The following HAUS4 variants were observed in gnomAD, a reference collection of about 807,000 sequenced individuals.
The protein encoded by HAUS4 is HAUS augmin-like complex subunit 4.
A neutral mutation model predicts 50.6 loss-of-function variants in HAUS4; 34 were observed. The ratio of observed to expected loss-of-function variants is 0.67; its 90% CI spans 0.51 to 0.90. The LOEUF (loss-of-function observed/expected upper bound fraction) is 0.90, where lower values mean the gene tolerates loss of function less well. HAUS4 is among the 40% of genes least tolerant of loss of function. The probability of loss-of-function intolerance (pLI) is 0.00; values close to 1 mark genes in which losing one functional copy is unlikely to be tolerated. For synonymous variants in HAUS4, 149 were observed against 161.4 expected, an observed-to-expected ratio of 0.92 and a Z score of 0.58; for missense variants, 370 against 428.7, an observed-to-expected ratio of 0.86 and a Z score of 1.21.
In HAUS4 at chr14:22,952,309, C is replaced by G. The variant is rs148307495; in HGVS notation, c.330+19G>C. On this transcript the variant is annotated intron_variant, in intron 4 of 9. Transcript: ENST00000541587. ...CTGGGATTACAGGTGTTAGCCACCA[C>G]GCCCAGCCTTTGCCTCACCTTTTTG... 8.4e-3 allele frequency: 13,537 copies of G among 1,608,744 alleles called. 123 individuals are homozygous for G. The highest frequency in any genetic ancestry group is 0.034 in the South Asian group (3,056 of 90,828).
At chr14:22,947,531 T>C in intron 8 of HAUS4, 70 bp downstream of exon 8, 1 of 1,531,650 alleles carries the variant, frequency 6.5e-7, no homozygotes, top group East Asian at 2.3e-5. Flanking sequence ...AGGAAAGAGA[T>C]TAGGGTAAGG....
Position 22,951,603 on chromosome 14 carries a change from C to T in HAUS4, c.417G>A (p.Leu139=). 4.3e-6 allele frequency: 7 copies of T among 1,614,032 alleles called. No homozygotes were observed. The highest frequency in any genetic ancestry group is 5.9e-6 in the Non-Finnish European group (7 of 1,179,940). The change falls in exon 5 of 10, where the codon CTG becomes CTA. Residue 139 remains leucine, a synonymous_variant. Transcript: ENST00000541587. ...GAAGGTCCGCTTTCTCCAGCCCCAG[C>T]AGTGGAGGTATCTCCCTCTCCTGGC... The part of the protein sequence containing the change: ...GPSQEREIPP[L]LGLEKADLLE...
At chr14:22,951,231 C>T (rs2044746843) in intron 5 of HAUS4, among the ~76,000 whole-genome samples, 1 of 151,780 alleles carries the variant, frequency 6.6e-6, no homozygotes, top group Non-Finnish European at 1.5e-5. Context: ...TCTTGAACTC[C>T]TGAACTCAAG....
intron 6 of HAUS4, among the ~76,000 whole-genome samples, 175 bp downstream of exon 6, chr14:22,950,139 A>C (rs571644812): frequency 4.2e-4 from 63 of 151,802 alleles, no homozygotes; most frequent in East Asian, 7.7e-4. Flanking sequence ...AAAAAAAAAA[A>C]AAAACAAAAA....
chr14:22,950,341 G>C lies in HAUS4; in HGVS notation c.535C>G (p.Leu179Val). ...GAATTGGGATCATAGTAGCAGAGCA[G>C]AGTGAAACATTTCTTTTTGAGCTGC... is the stretch of plus-strand genomic sequence containing the variant. ...EEQLKKKCFT[L>V]LCYYDPNSDA... The change falls in exon 6 of 10, where the codon CTG becomes GTG. Residue 179 changes from leucine to valine, a missense_variant. Physicochemically the swap from Leu to Val is conservative, Grantham distance 32. Coordinates refer to ENST00000541587, the MANE Select transcript of HAUS4 (RefSeq NM_001166269.2). 1.9e-6 allele frequency: 3 copies of C among 1,610,536 alleles called. No homozygotes were observed. The highest frequency in any genetic ancestry group is 2.5e-6 in the Non-Finnish European group (3 of 1,176,760).
At position 22,947,853 on chromosome 14, in the gene HAUS4, C is replaced by T. The variant is rs2044673217; in HGVS notation, c.708+15G>A. On this transcript the variant is annotated intron_variant, in intron 7 of 9. Coordinates refer to ENST00000541587, the MANE Select transcript of HAUS4 (RefSeq NM_001166269.2). ...TCAGGATAAAGGAAAGGGGCTGTCC[C>T]ATGCCCTGATAAACCTGGGAGTAAG... 1 of 1,611,856 alleles carries T rather than the reference C, an allele frequency of 6.2e-7. No homozygotes were observed. The highest frequency in any genetic ancestry group is 8.5e-7 in the Non-Finnish European group (1 of 1,178,930).
At chr14:22,955,492 C>A (rs1033774105) in intron 1 of HAUS4, 4 of 231,024 alleles carry the variant, frequency 1.7e-5, no homozygotes, top group Non-Finnish European at 1.7e-5. Context: ...GGATTCTCCA[C>A]CACCACCACC....
intron 5 of HAUS4, among the ~76,000 whole-genome samples, chr14:22,950,858 T>C (rs2044739594): frequency 6.6e-6 from 1 of 152,218 alleles, no homozygotes; most frequent in Non-Finnish European, 1.5e-5. Flanking sequence ...TATAATAGAA[T>C]CCTAGCAGAG....
At chr14:22,956,011 T>C (rs184751095) in intron 1 of HAUS4, among the ~76,000 whole-genome samples, 6 of 152,276 alleles carry the variant, frequency 3.9e-5, no homozygotes, top group African/African-American at 1.2e-4. Flanking sequence ...CTCTGCAAGG[T>C]ATCAAACTCC....
rs1462853486 is a variant in HAUS4 at position 22,952,579 on chromosome 14, T to C, written c.160A>G (p.Ser54Gly). The C allele has an allele frequency of 6.2e-7, 1 of 1,613,924 alleles. No homozygotes were observed. The highest frequency in any genetic ancestry group is 8.5e-7 in the Non-Finnish European group (1 of 1,179,956). ...TTTGCTAGGGTGAGGCTTAAGCCACTCTCATCCACATGCTGTGAGAGATTC... is the reference window on the plus strand; with the variant it reads ...TTTGCTAGGGTGAGGCTTAAGCCACCCTCATCCACATGCTGTGAGAGATTC... ...LLNLSQHVDESGLSLTLAKEQ... is the reference protein window; with the variant it reads ...LLNLSQHVDEGGLSLTLAKEQ... Residue 54 changes from serine (S) to glycine (G), a missense_variant, in exon 3 of 10, where the codon AGT becomes GGT. Coordinates refer to ENST00000541587, the MANE Select transcript of HAUS4 (RefSeq NM_001166269.2).
chr14:22,947,385 A>T (rs577011565), intron 8 of HAUS4, 146 bp from the exon 9 acceptor site: 1 of 736,784 alleles, frequency 1.4e-6, no homozygotes, highest in East Asian at 2.7e-5. Flanking sequence ...CGAGCAATTG[A>T]TCTCACAGTA....
At chr14:22,953,296 C>T (rs760303924) in intron 2 of HAUS4, among the ~76,000 whole-genome samples, 12 of 151,966 alleles carry the variant, frequency 7.9e-5, no homozygotes, top group Non-Finnish European at 1.5e-4. Flanking sequence ...AGGCAAACCA[C>T]GATGACTGGC....
At position 22,950,342 on chromosome 14, in the gene HAUS4, A is replaced by C. The variant is rs527485407; in HGVS notation, c.534T>G (p.Thr178=). The C allele has an allele frequency of 1.9e-6, 3 of 1,611,000 alleles. No homozygotes were observed. Among genetic ancestry groups the C allele is most frequent in the Non-Finnish European group, 2.5e-6 (3 of 1,177,182 alleles). The change falls in exon 6 of 10, where the codon ACT becomes ACG. Residue 178 remains threonine, a synonymous_variant. Transcript: ENST00000541587. ...AATTGGGATCATAGTAGCAGAGCAG[A>C]GTGAAACATTTCTTTTTGAGCTGCT... ...VEEQLKKKCF[T]LLCYYDPNSD...
intron 5 of HAUS4, 99 bp from the exon 6 acceptor site, chr14:22,950,509 G>GA (rs1249806618): frequency 1.5e-6 from 1 of 666,518 alleles, no homozygotes; most frequent in Non-Finnish European, 2.7e-6. Flanking sequence ...AATAGCCAAA[G>GA]AAAATGCATC....
rs997894438 is a variant in HAUS4, at chr14:22,952,311, C to A, written c.330+17G>T. The A allele has an allele frequency of 8.7e-6, 14 of 1,611,120 alleles. No homozygotes were observed. The highest frequency in any genetic ancestry group is 1.2e-5 in the Non-Finnish European group (14 of 1,178,020). On this transcript the variant is annotated intron_variant, in intron 4 of 9. Coordinates refer to ENST00000541587, the MANE Select transcript of HAUS4 (RefSeq NM_001166269.2). ...GGGATTACAGGTGTTAGCCACCACG[C>A]CCAGCCTTTGCCTCACCTTTTTGTC...
intron 1 of HAUS4, 88 bp from the exon 2 acceptor site, chr14:22,955,264 G>C (rs1371528804): frequency 8.3e-6 from 7 of 845,560 alleles, no homozygotes; most frequent in Middle Eastern, 2.2e-4. Context: ...AATTTCTGCT[G>C]TCCACAAGCT....
At chr14:22,948,227 T>C (rs1390557472) in intron 6 of HAUS4, 8 of 532,748 alleles carry the variant, frequency 1.5e-5, no homozygotes, top group Admixed American at 7.3e-5. Context: ...GGCAGGAGGA[T>C]TGCTTGAGCC....
chr14:22,951,371 T>G, intron 5 of HAUS4, 184 bp downstream of exon 5: 1 of 651,990 alleles, frequency 1.5e-6, no homozygotes, highest in Non-Finnish European at 2.7e-6. Context: ...AATAATATTG[T>G]GCTTCTAGAT....
At chr14:22,950,745 A>G (rs1566646561) in intron 5 of HAUS4, among the ~76,000 whole-genome samples, 1 of 152,216 alleles carries the variant, frequency 6.6e-6, no homozygotes, top group African/African-American at 2.4e-5. Context: ...AGGTAAAGAC[A>G]CATATGAACC....
Sources: allele counts gnomAD v4.1 joint callset (sites outside exome capture counted in the v4.1 genomes callset), GRCh38; gene constraint gnomAD v4.1.1; transcripts MANE v1.5; gene names NCBI Gene and HGNC (gene_info 2026-07-23, HGNC 2026-07-21).